The following PCDHA4 variants were observed in gnomAD, a reference collection of about 807,000 sequenced individuals.
PCDHA4 encodes the protein protocadherin alpha 4.
PCDHA4 carries 49 observed loss-of-function variants against 61.4 expected under a neutral mutation model. That is an observed-to-expected ratio of 0.80 (90% CI 0.63 to 1.01). The LOEUF is 1.01. PCDHA4 is among the 50% of genes least tolerant of loss of function. The pLI, the probability that PCDHA4 is intolerant of heterozygous loss-of-function variation, is 0.00. For synonymous variants in PCDHA4, 590 were observed against 550.3 expected (o/e 1.07, Z -1.01); for missense variants, 1,254 against 1,235.8 (o/e 1.01, Z -0.22).
Position 140,924,728 on chromosome 5 carries a change from C to G in PCDHA4, c.2386-54221C>G, listed in dbSNP as rs191622894. Among the ~76,000 whole-genome samples, 1,223 of 151,892 alleles carry G rather than the reference C, an allele frequency of 8.1e-3. 6 individuals carry two copies. The highest frequency in any genetic ancestry group is 0.019 in the African/African-American group (789 of 41,420). ...TGTGCAACATGGCGAAACCTCACCT[C>G]TAATAAAAATACAAAAATTAACCGA... On this transcript the variant is annotated intron_variant, in intron 1 of 3. Transcript: ENST00000530339.
At chr5:140,841,682 G>C (rs2150320729) in intron 1 of PCDHA4, 34 of 1,613,844 alleles carry the variant, frequency 2.1e-5, no homozygotes, top group Non-Finnish European at 2.5e-6. Flanking sequence ...CCATGTGGAC[G>C]TGGAGGTGAA....
At chr5:140,885,677 T>C (rs1554182236) in intron 1 of PCDHA4, among the ~76,000 whole-genome samples, 1 of 152,208 alleles carries the variant, frequency 6.6e-6, no homozygotes, top group African/African-American at 2.4e-5. Context: ...ACTCTTTCTA[T>C]CTCAAGAAGC....
intron 3 of PCDHA4, among the ~76,000 whole-genome samples, chr5:140,994,980 C>A (rs1311252472): frequency 4.6e-5 from 7 of 151,992 alleles, no homozygotes; most frequent in Admixed American, 1.3e-4. Flanking sequence ...CCATGGAGAC[C>A]CACTAGAAGG....
rs2150377192 is a variant in PCDHA4, at chr5:140,845,186, A to C, written c.2385+35614A>C. On this transcript the variant is annotated intron_variant, in intron 1 of 3. Transcript: ENST00000530339. ...TTGTTTTCATTTTAGTCCTTTAAAAAATATGATTGTTTTCATTTAAGTCCT... is the reference window on the plus strand; with the variant it reads ...TTGTTTTCATTTTAGTCCTTTAAAACATATGATTGTTTTCATTTAAGTCCT... 3.3e-5 allele frequency among the ~76,000 whole-genome samples: 5 copies of C among 149,420 alleles called. 1 individual carries two copies. The highest frequency in any genetic ancestry group is 7.5e-5 in the Non-Finnish European group (5 of 66,806).
In PCDHA4 at chr5:140,995,657, A is replaced by C. The variant is rs188298109; in HGVS notation, c.2533+13094A>C. Among the ~76,000 whole-genome samples, 56 of 152,328 alleles carry C rather than the reference A, an allele frequency of 3.7e-4. No homozygotes were observed. The East Asian group carries it at 7.7e-3, about 21-fold the overall frequency. Reference sequence around the variant, plus strand: ...AGTGTTTAGAAAAGGAGAATCGAAAAGGGAAGTAAATGCAGCATTTTTTTT... The same window carrying C: ...AGTGTTTAGAAAAGGAGAATCGAAACGGGAAGTAAATGCAGCATTTTTTTT... On this transcript the variant is annotated intron_variant, in intron 3 of 3. Coordinates refer to ENST00000530339, the MANE Select transcript of PCDHA4 (RefSeq NM_018907.4).
rs1284021507 is a variant in PCDHA4, at chr5:140,883,838, G to C, written c.2385+74266G>C. The C allele has an allele frequency of 6.2e-7, 1 of 1,612,620 alleles. No individual in the cohort carries two copies. The highest frequency in any genetic ancestry group is 8.5e-7 in the Non-Finnish European group (1 of 1,179,840). On this transcript the variant is annotated intron_variant, in intron 1 of 3. Coordinates refer to ENST00000530339, the MANE Select transcript of PCDHA4 (RefSeq NM_018907.4). ...CAAGGTGTACGCGCTGCAGCCGTTG[G>C]ACCACGAGGAGCTGGAGCTGTTGCA...
chr5:140,836,877 C>A, intron 1 of PCDHA4: 1 of 682,570 alleles, frequency 1.5e-6, no homozygotes, highest in Non-Finnish European at 2.3e-6. Flanking sequence ...GCTGTATTTG[C>A]ACTAATTATT....
In PCDHA4 at chr5:140,882,368, T is replaced by C. The variant is rs781902519; in HGVS notation, c.2385+72796T>C. On this transcript the variant is annotated intron_variant, in intron 1 of 3. Transcript: ENST00000530339. ...GACGGGTAGTGGCCAGCTCCACTAC[T>C]CCGTCCCCGAGGAAGCAAAACACGG... 1.9e-6 allele frequency: 3 copies of C among 1,614,218 alleles called. No individual in the cohort carries two copies. The South Asian group carries it at 3.3e-5, about 18-fold the overall frequency.
chr5:140,822,567 C>T (rs147998337), intron 1 of PCDHA4: 43 of 1,612,542 alleles, frequency 2.7e-5, no homozygotes, highest in African/African-American at 4.0e-5. Flanking sequence ...TTAAACTGAA[C>T]GCCTCAGATG....
At chr5:140,858,624 G>T (rs112932902) in intron 1 of PCDHA4, 7 of 1,115,778 alleles carry the variant, frequency 6.3e-6, no homozygotes, top group African/African-American at 4.7e-5. Context: ...CCTACCCAGT[G>T]TGTCAGCCTT....
intron 1 of PCDHA4, among the ~76,000 whole-genome samples, chr5:140,915,190 G>T (rs1317793585): frequency 1.3e-5 from 2 of 151,978 alleles, no homozygotes; most frequent in African/African-American, 4.8e-5. Flanking sequence ...CTAGTGATCC[G>T]CCCATCTTGG....
At chr5:140,881,325 A>G in intron 1 of PCDHA4, 4 of 984,454 alleles carry the variant, frequency 4.1e-6, no homozygotes, top group Non-Finnish European at 4.8e-6. Flanking sequence ...ATTCTATTTA[A>G]CCAGGACGCC....
chr5:140,859,450 G>T, intron 1 of PCDHA4: 1 of 220,914 alleles, frequency 4.5e-6, no homozygotes, highest in Non-Finnish European at 8.7e-6. Context: ...TAGTTGCAGA[G>T]TGACAAAACT....
At chr5:140,817,223 C>T (rs1352619952) in intron 1 of PCDHA4, 2 of 152,296 alleles carry the variant, frequency 1.3e-5, no homozygotes, top group African/African-American at 2.4e-5. Context: ...TTCTCTTTCC[C>T]TTCTCAGGGA....
At chr5:140,969,267 G>A in intron 1 of PCDHA4, 5 of 1,614,208 alleles carry the variant, frequency 3.1e-6, no homozygotes, top group South Asian at 2.2e-5. Flanking sequence ...AATCTCACAG[G>A]CCAAAGTGGT....
intron 1 of PCDHA4, chr5:140,835,598 T>C (rs2150239108): frequency 2.1e-5 from 34 of 1,613,804 alleles, no homozygotes; most frequent in African/African-American, 4.0e-5. Flanking sequence ...AGAATTACTA[T>C]TCATTGGTGC....
chr5:140,877,184 G>C (rs1554169429), intron 1 of PCDHA4: 1 of 1,613,842 alleles, frequency 6.2e-7, no homozygotes. Context: ...ACTCCGGCTG[G>C]CAGCGCAGGA....
rs894945353 is a variant in PCDHA4 at position 140,936,140 on chromosome 5, G to A, written c.2386-42809G>A. ...ACTCCTGACCTTAAGTGATCTGCCC[G>A]CCTTGGCCTCCTAAAGTGCTGGGAT... is the stretch of plus-strand genomic sequence containing the variant. On this transcript the variant is annotated intron_variant, in intron 1 of 3. Coordinates refer to ENST00000530339, the MANE Select transcript of PCDHA4 (RefSeq NM_018907.4). 7.2e-5 allele frequency among the ~76,000 whole-genome samples: 11 copies of A among 152,050 alleles called. 1 individual carries two copies. The highest frequency in any genetic ancestry group is 6.6e-4 in the Admixed American group (10 of 15,256).
At chr5:140,846,553 T>G (rs1374500814) in intron 1 of PCDHA4, among the ~76,000 whole-genome samples, 5 of 148,228 alleles carry the variant, frequency 3.4e-5, no homozygotes, top group Non-Finnish European at 7.5e-5. Context: ...TTTTTGTATT[T>G]TTAGTAGAGT....
Sources: gnomAD v4.1 joint callset for allele counts (sites outside exome capture counted in the v4.1 genomes callset) on GRCh38, gnomAD v4.1.1 for gene constraint, MANE v1.5 for transcripts, NCBI Gene and HGNC (gene_info 2026-07-23, HGNC 2026-07-21) for gene names.